MTMR2: variants seen among roughly 807,000 people sequenced by gnomAD.
MTMR2 encodes the protein phosphatidylinositol-3,5-bisphosphate 3-phosphatase MTMR2.
In MTMR2, 55 loss-of-function variants were observed where a neutral mutation model predicts 86.9. The ratio of observed to expected loss-of-function variants is 0.63; its 90% CI spans 0.51 to 0.79. MTMR2 has a LOEUF of 0.79. Ranked by LOEUF, MTMR2 falls within the 30% of genes least tolerant of loss-of-function variation. The pLI is 0.00. For missense variants in MTMR2, 659 were observed against 772.3 expected (o/e 0.85, Z 1.74); for synonymous variants, 241 against 266.8 (o/e 0.90, Z 0.94).
In MTMR2 at chr11:95,833,634, A is replaced by C. The variant is rs1006542556; in HGVS notation, c.*1656T>G. ...AAGTATGTTAAGACTAGAAGCTTTA[A>C]ATTCTTGATCTCTTCAGCCATTCTA... On this transcript the variant is annotated 3_prime_UTR_variant, in exon 15 of 15. Transcript: ENST00000346299. The C allele has an allele frequency of 6.6e-6, 1 of 152,078 alleles. No individual in the cohort carries two copies. Among genetic ancestry groups the C allele is most frequent in the South Asian group, 2.1e-4 (1 of 4,826 alleles). 9.4% of individuals were successfully genotyped at this position (152,078 alleles called of 1,614,324 possible). A position where few individuals can be genotyped will look rare whatever the true frequency, so the allele number is the denominator to read the frequency against.
Position 95,849,865 on chromosome 11 carries a change from TA to T in MTMR2, c.805-4del. The T allele has an allele frequency of 6.3e-7, 1 of 1,593,042 alleles. No homozygotes were observed. The highest frequency in any genetic ancestry group is 8.6e-7 in the Non-Finnish European group (1 of 1,163,490). On this transcript the variant is annotated splice_region_variant and splice_polypyrimidine_tract_variant and intron_variant, in intron 8 of 14. Coordinates refer to ENST00000346299, the MANE Select transcript of MTMR2 (RefSeq NM_016156.6). ...TCAGGATGAATCCATGATAAAACCTTAATGAGGAAAAAATGGTAACACACCT... is the reference window on the plus strand; with the variant it reads ...TCAGGATGAATCCATGATAAAACCTTATGAGGAAAAAATGGTAACACACCT...
At chr11:95,849,920 A>C (rs628027) in intron 8 of MTMR2, 58 bp from the exon 9 acceptor site, 1 of 1,482,012 alleles carries the variant, frequency 6.7e-7, no homozygotes, top group Non-Finnish European at 9.4e-7. Flanking sequence ...TATAATTCTC[A>C]AAAACAGTAC....
chr11:95,894,820 G>C (rs1173957692), intron 1 of MTMR2, among the ~76,000 whole-genome samples: 1 of 152,094 alleles, frequency 6.6e-6, no homozygotes, highest in Non-Finnish European at 1.5e-5. Flanking sequence ...ACAGTACCAA[G>C]GGAAGAGGGT....
At chr11:95,846,896 C>T (rs1477089525) in intron 10 of MTMR2, among the ~76,000 whole-genome samples, 1 of 152,066 alleles carries the variant, frequency 6.6e-6, no homozygotes, top group African/African-American at 2.4e-5. Flanking sequence ...ATTTAAAATT[C>T]TTATTCAGTT....
At chr11:95,906,549 T>C (rs573723188) in intron 1 of MTMR2, among the ~76,000 whole-genome samples, 1 of 152,240 alleles carries the variant, frequency 6.6e-6, no homozygotes, top group South Asian at 2.1e-4. Context: ...AAACAGACTT[T>C]ACATTCATCT....
intron 9 of MTMR2, among the ~76,000 whole-genome samples, chr11:95,849,165 G>A (rs185647788): frequency 8.0e-4 from 122 of 152,108 alleles, no homozygotes; most frequent in Non-Finnish European, 1.2e-3. Context: ...TTTCCACAAT[G>A]CTAATATTTA....
intron 14 of MTMR2, among the ~76,000 whole-genome samples, chr11:95,835,760 A>G (rs977627906): frequency 3.3e-5 from 5 of 152,120 alleles, no homozygotes; most frequent in Admixed American, 2.6e-4. Context: ...CCTGTTATTT[A>G]TAGGTTTTTA....
chr11:95,896,809 C>T (rs1865894792), intron 1 of MTMR2, among the ~76,000 whole-genome samples: 1 of 151,308 alleles, frequency 6.6e-6, no homozygotes, highest in South Asian at 2.1e-4. Context: ...ATTCTGTATA[C>T]CATATATCAT....
intron 2 of MTMR2, among the ~76,000 whole-genome samples, chr11:95,881,997 GT>G (rs1591018706): frequency 6.6e-6 from 1 of 151,988 alleles, no homozygotes; most frequent in African/African-American, 2.4e-5. Flanking sequence ...CAATTCCTAG[GT>G]TCTTAAGAGT....
intron 2 of MTMR2, among the ~76,000 whole-genome samples, chr11:95,881,076 T>C (rs1865304982): frequency 6.6e-6 from 1 of 152,090 alleles, no homozygotes. Flanking sequence ...TTTTCAGTTT[T>C]AGGTTTTCAA....
intron 2 of MTMR2, among the ~76,000 whole-genome samples, chr11:95,875,897 G>A (rs1292183229): frequency 5.9e-5 from 9 of 152,166 alleles, no homozygotes; most frequent in East Asian, 3.9e-4. Context: ...TATCAGCAGC[G>A]GAGTCTGCAG....
At chr11:95,907,475 C>A (rs192347051) in intron 1 of MTMR2, among the ~76,000 whole-genome samples, 1 of 151,806 alleles carries the variant, frequency 6.6e-6, no homozygotes, top group African/African-American at 2.4e-5. Flanking sequence ...AACTATTCCC[C>A]CCAAAAAAAT....
At chr11:95,885,954 C>A (rs1229635523) in intron 2 of MTMR2, among the ~76,000 whole-genome samples, 2 of 152,104 alleles carry the variant, frequency 1.3e-5, no homozygotes, top group African/African-American at 2.4e-5. Flanking sequence ...AAACACATAA[C>A]CCCAGTTGAA....
At chr11:95,920,307 GT>G (rs1043107524) in intron 1 of MTMR2, among the ~76,000 whole-genome samples, 1 of 151,638 alleles carries the variant, frequency 6.6e-6, no homozygotes. Flanking sequence ...GACAACTATT[GT>G]TTTTTTTGTT....
intron 2 of MTMR2, among the ~76,000 whole-genome samples, chr11:95,877,331 CCTTTTTTTTTTTTTT>C (rs1475326383): frequency 1.3e-4 from 12 of 94,716 alleles, no homozygotes; most frequent in African/African-American, 2.0e-4. Context: ...ACAGGGAAGC[CCTTTTTTTTTTTTTT>C]TTTTTTTTTT....
rs548679489 is a variant in MTMR2, at chr11:95,923,548, G to T, written c.80+327C>A. 5.0e-5 allele frequency: 31 copies of T among 622,584 alleles called. No individual in the cohort carries two copies. The Admixed American group carries it at 1.3e-3, about 27-fold the overall frequency. The allele number at this position is 622,584 out of a possible 1,614,324, so 38.6% of individuals were successfully genotyped here. ...ACAGGAAATGTGGGGAAAAGAATGGGGGCGGGGGGAACTGTCTTAAAAAAG... is the reference window on the plus strand; with the variant it reads ...ACAGGAAATGTGGGGAAAAGAATGGTGGCGGGGGGAACTGTCTTAAAAAAG... On this transcript the variant is annotated intron_variant, in intron 1 of 14. Transcript: ENST00000346299.
In MTMR2 at chr11:95,857,562, T is replaced by C; in HGVS notation, c.644A>G (p.Tyr215Cys). 1 of 1,608,716 alleles carries C rather than the reference T, an allele frequency of 6.2e-7. No homozygotes were observed. Among genetic ancestry groups the C allele is most frequent in the Non-Finnish European group, 8.5e-7 (1 of 1,175,290 alleles). The change falls in exon 7 of 15, where the codon TAT becomes TGT. Residue 215 changes from tyrosine to cysteine, a missense_variant. Transcript: ENST00000346299. ...GWKLYDPLLE[Y>C]RRQGIPNESW... ...GAAGAAAGTACATACCTGCCTTCTATACTCTAAAAGAGGGTCATATAGCTT... is the reference window on the plus strand; with the variant it reads ...GAAGAAAGTACATACCTGCCTTCTACACTCTAAAAGAGGGTCATATAGCTT...
intron 2 of MTMR2, among the ~76,000 whole-genome samples, chr11:95,870,910 T>C (rs1476015218): frequency 1.1e-4 from 17 of 148,468 alleles, no homozygotes; most frequent in East Asian, 4.1e-4. Context: ...CAACAGGCCC[T>C]GGTGTGTGAT....
At chr11:95,869,619 C>T (rs1864775021) in intron 2 of MTMR2, among the ~76,000 whole-genome samples, 1 of 152,150 alleles carries the variant, frequency 6.6e-6, no homozygotes, top group African/African-American at 2.4e-5. Flanking sequence ...AAATCTTTTC[C>T]CTTTCTTTCA....
Sources: allele counts gnomAD v4.1 joint callset (sites outside exome capture counted in the v4.1 genomes callset), GRCh38; gene constraint gnomAD v4.1.1; transcripts MANE v1.5; gene names NCBI Gene and HGNC (gene_info 2026-07-23, HGNC 2026-07-21).